The following DNAH17 variants were observed in gnomAD, a reference collection of about 807,000 sequenced individuals.
DNAH17 encodes the protein axonemal beta dynein heavy chain 17.
A neutral mutation model predicts 485.6 loss-of-function variants in DNAH17; 376 were observed. That is an observed-to-expected ratio of 0.77 (90% CI 0.71 to 0.84). DNAH17 has a LOEUF of 0.84. Among genes scored for constraint, DNAH17 ranks in the 40% least tolerant of loss-of-function variants. DNAH17 has a pLI of 0.00. For synonymous variants in DNAH17, 3,031 were observed against 2,405.9 expected (o/e 1.26, Z -7.60); for missense variants, 6,370 against 5,839.3 (o/e 1.09, Z -2.96).
At chr17:78,573,355 TAGGG>T (rs2092387089) in intron 2 of DNAH17, among the ~76,000 whole-genome samples, 1 of 151,954 alleles carries the variant, frequency 6.6e-6, no homozygotes, top group African/African-American at 2.4e-5. Context: ...TCCTAGGACT[TAGGG>T]AGGCCGAGGC....
chr17:78,451,221 T>A (rs1272460635), intron 66 of DNAH17, among the ~76,000 whole-genome samples: 2 of 152,256 alleles, frequency 1.3e-5, no homozygotes, highest in Non-Finnish European at 2.9e-5. Flanking sequence ...TGACTCATGT[T>A]CTTTAAGCAA....
rs143024167 is a variant in DNAH17 at position 78,532,390 on chromosome 17, A to C, written c.3114+92T>G. 3 of 1,468,384 alleles carry C rather than the reference A, an allele frequency of 2.0e-6. No individual in the cohort carries two copies. In the African/African-American group the frequency reaches 4.2e-5, roughly 21 times the overall value. The allele number at this position is 1,468,384 out of a possible 1,614,324, so 91.0% of individuals were successfully genotyped here. On this transcript the variant is annotated intron_variant, in intron 20 of 80. Coordinates refer to ENST00000389840, the MANE Select transcript of DNAH17 (RefSeq NM_173628.4). ...GCCCTACCTGGAAACCTGCATCTTA[A>C]AACAATTCACCCAAGTTTTAAAGCA...
Position 78,443,627 on chromosome 17 carries a change from G to A in DNAH17, c.11528+977C>T, listed in dbSNP as rs1394410285. On this transcript the variant is annotated intron_variant, in intron 71 of 80. Coordinates refer to ENST00000389840, the MANE Select transcript of DNAH17 (RefSeq NM_173628.4). ...CGCAGTGGCACAATCTCGGCCCACTGCAGCCTCCACCTCCCGGGCTCAACC... is the reference window on the plus strand; with the variant it reads ...CGCAGTGGCACAATCTCGGCCCACTACAGCCTCCACCTCCCGGGCTCAACC... Among the ~76,000 whole-genome samples the A allele has an allele frequency of 2.0e-5, 3 of 152,284 alleles. No individual in the cohort carries two copies. The East Asian group carries it at 5.8e-4, about 29-fold the overall frequency.
chr17:78,560,997 G>A (rs1007483456), intron 12 of DNAH17, 62 bp from the exon 13 acceptor site: 185 of 1,468,004 alleles, frequency 1.3e-4, no homozygotes, highest in African/African-American at 1.3e-3. Flanking sequence ...TCTTCGGCAC[G>A]TCCCATCGTT....
chr17:78,476,843 G>T (rs1219800569), intron 51 of DNAH17, 110 bp from the exon 52 acceptor site: 15 of 1,313,958 alleles, frequency 1.1e-5, no homozygotes, highest in Middle Eastern at 2.7e-4. Context: ...GAGGGGACCT[G>T]TTCAGCTGTT....
chr17:78,448,364 A>T (rs982891003), intron 69 of DNAH17, among the ~76,000 whole-genome samples: 6 of 152,048 alleles, frequency 3.9e-5, no homozygotes, highest in Middle Eastern at 3.2e-3. Context: ...ATAAAAAATT[A>T]AAAAACTGAA....
chr17:78,550,732 G>A (rs117540779), intron 16 of DNAH17, among the ~76,000 whole-genome samples: 158 of 152,258 alleles, frequency 1.0e-3, no homozygotes, highest in Non-Finnish European at 1.3e-3. Context: ...TGTGATGGCC[G>A]CCCTAGCAAA....
intron 40 of DNAH17, 105 bp from the exon 41 acceptor site, chr17:78,494,278 G>A (rs2089982497): frequency 9.5e-6 from 14 of 1,472,976 alleles, no homozygotes; most frequent in South Asian, 1.3e-5. Context: ...TGATAAAGGC[G>A]CCCTTGCCCT....
chr17:78,547,105 C>A (rs752074794), intron 16 of DNAH17, among the ~76,000 whole-genome samples: 5 of 152,052 alleles, frequency 3.3e-5, no homozygotes, highest in African/African-American at 1.2e-4. Flanking sequence ...CTTTTACAAC[C>A]GTATTTATCT....
chr17:78,449,840 AT>A (rs112200735), intron 68 of DNAH17: 494 of 449,028 alleles, frequency 1.1e-3, no homozygotes, highest in East Asian at 3.4e-3. Context: ...CACCTGGCTA[AT>A]TTTTTTTTAT....
At chr17:78,536,499 G>A (rs1364920132) in intron 19 of DNAH17, among the ~76,000 whole-genome samples, 2 of 151,646 alleles carry the variant, frequency 1.3e-5, no homozygotes, top group Non-Finnish European at 2.9e-5. Flanking sequence ...CAACAACATG[G>A]CAAAACCCCA....
At chr17:78,570,716 G>A (rs1230920242) in intron 6 of DNAH17, among the ~76,000 whole-genome samples, 1 of 151,640 alleles carries the variant, frequency 6.6e-6, no homozygotes, top group African/African-American at 2.4e-5. Context: ...AAATTAGCTG[G>A]GCATGGTGGC....
intron 74 of DNAH17, among the ~76,000 whole-genome samples, chr17:78,436,087 G>T (rs1209749770): frequency 1.3e-5 from 2 of 152,168 alleles, no homozygotes; most frequent in African/African-American, 4.8e-5. Context: ...CACATTCATG[G>T]ACCGATACAC....
intron 42 of DNAH17, among the ~76,000 whole-genome samples, chr17:78,492,285 C>T (rs540702121): frequency 8.6e-5 from 13 of 151,896 alleles, no homozygotes; most frequent in Admixed American, 1.3e-4. Context: ...CGACTGAGGC[C>T]AGGGCTCCCC....
At chr17:78,425,728 A>T in intron 79 of DNAH17, 157 bp from the exon 80 acceptor site, 1 of 507,688 alleles carries the variant, frequency 2.0e-6, no homozygotes, top group South Asian at 3.4e-5. Context: ...GAGCCCAGCC[A>T]CCTACCATGA....
At chr17:78,569,942 G>A (rs1034044209) in intron 7 of DNAH17, among the ~76,000 whole-genome samples, 1 of 152,332 alleles carries the variant, frequency 6.6e-6, no homozygotes, top group East Asian at 1.9e-4. Context: ...GACGGAAGGT[G>A]GTTTGATGTG....
chr17:78,505,532 C>T (rs1300251807), intron 30 of DNAH17, 87 bp from the exon 31 acceptor site: 1 of 1,560,368 alleles, frequency 6.4e-7, no homozygotes, highest in Non-Finnish European at 8.8e-7. Flanking sequence ...TGGTTTTAGG[C>T]ATCGTTCTTT....
intron 70 of DNAH17, 65 bp downstream of exon 70, chr17:78,445,493 G>T: frequency 6.5e-7 from 1 of 1,528,290 alleles, no homozygotes; most frequent in Non-Finnish European, 8.8e-7. Flanking sequence ...AACATCCGCA[G>T]CATCAGCTGG....
chr17:78,438,929 G>T, intron 73 of DNAH17, 161 bp downstream of exon 73: 1 of 1,105,050 alleles, frequency 9.0e-7, no homozygotes, highest in Non-Finnish European at 1.2e-6. Flanking sequence ...CCCCAGCAGA[G>T]CCGACACTGG....
Sources: gnomAD v4.1 joint callset for allele counts (sites outside exome capture counted in the v4.1 genomes callset) on GRCh38, gnomAD v4.1.1 for gene constraint, MANE v1.5 for transcripts, NCBI Gene and HGNC (gene_info 2026-07-23, HGNC 2026-07-21) for gene names.